The following FCAR variants were observed in gnomAD, a reference collection of about 807,000 sequenced individuals.
The protein encoded by FCAR is Fc alpha receptor.
FCAR carries 21 observed loss-of-function variants against 27.1 expected under a neutral mutation model. The observed-to-expected ratio is 0.77, with a 90% CI of 0.55 to 1.11. FCAR has a LOEUF of 1.11. FCAR is among the 50% of genes most tolerant of loss of function. FCAR has a pLI of 0.00. For synonymous variants in FCAR, 134 were observed against 135.8 expected, an observed-to-expected ratio of 0.99 and a Z score of 0.09; for missense variants, 404 against 358.4, an observed-to-expected ratio of 1.13 and a Z score of -1.03.
chr19:54,887,705 T>A (rs1389444229), intron 3 of FCAR, among the ~76,000 whole-genome samples: 3 of 151,000 alleles, frequency 2.0e-5, no homozygotes, highest in South Asian at 4.2e-4. Flanking sequence ...TCACCTGAGG[T>A]CAGGAGTTCG....
At chr19:54,883,359 C>T (rs2066527934) in intron 2 of FCAR, among the ~76,000 whole-genome samples, 1 of 152,028 alleles carries the variant, frequency 6.6e-6, no homozygotes, top group Non-Finnish European at 1.5e-5. Context: ...CATTCTTGGG[C>T]CTTGGAGGAG....
intron 1 of FCAR, 55 bp from the exon 2 acceptor site, chr19:54,875,267 AGGGTGATT>A: frequency 2.9e-6 from 4 of 1,391,674 alleles, no homozygotes; most frequent in Non-Finnish European, 3.1e-6. Flanking sequence ...GTCATTACAG[AGGGTGATT>A]TGTCGTAAAG....
Position 54,888,600 on chromosome 19 carries a change from T to C in FCAR, c.649+306T>C, listed in dbSNP as rs1186752653. 10 of 978,740 alleles carry C rather than the reference T, an allele frequency of 1.0e-5. No individual in the cohort carries two copies. The African/African-American group carries it at 1.5e-4, about 15-fold the overall frequency. 60.6% of individuals were successfully genotyped at this position (978,740 alleles called of 1,614,324 possible). On this transcript the variant is annotated intron_variant, in intron 4 of 4. Coordinates refer to ENST00000355524, the MANE Select transcript of FCAR (RefSeq NM_002000.4). ...TCTTGCTCTTTCGCCAAGGCTGGAGTGCAGTGGCACGATCTCGACTCACTG... is the reference window on the plus strand; with the variant it reads ...TCTTGCTCTTTCGCCAAGGCTGGAGCGCAGTGGCACGATCTCGACTCACTG...
At chr19:54,881,879 T>C (rs1463133610) in intron 2 of FCAR, among the ~76,000 whole-genome samples, 1 of 128,268 alleles carries the variant, frequency 7.8e-6, no homozygotes, top group Non-Finnish European at 1.7e-5. Context: ...AGACTCCGTC[T>C]CAAATAAATA....
chr19:54,887,010 G>A (rs2066769175), intron 3 of FCAR, among the ~76,000 whole-genome samples: 1 of 71,792 alleles, frequency 1.4e-5, no homozygotes, highest in Admixed American at 2.0e-4. Flanking sequence ...CGTGGCTCGT[G>A]CCTGTAATCC....
chr19:54,881,289 G>C (rs1240626117), intron 2 of FCAR, among the ~76,000 whole-genome samples: 1 of 152,086 alleles, frequency 6.6e-6, no homozygotes, highest in Non-Finnish European at 1.5e-5. Flanking sequence ...TTCTCCTTAG[G>C]GCAGTTTGCC....
rs1569532600 is a variant in FCAR, at chr19:54,885,435, GA to G, written c.272del (p.Asp91AlafsTer14). On this transcript the variant is annotated frameshift_variant, in exon 3 of 5. Transcript: ENST00000355524. LOFTEE classifies it high-confidence loss of function. ...TDPEFVIDHM[D>X]ANKAGRYQCQ... is the part of the protein sequence containing the mutation. ...TCCTGAGTTCGTCATTGACCACATGGACGCAAACAAGGCAGGGCGCTATCAG... is the reference window on the plus strand; with the variant it reads ...TCCTGAGTTCGTCATTGACCACATGGCGCAAACAAGGCAGGGCGCTATCAG... 6.2e-7 allele frequency: 1 copy of G among 1,614,012 alleles called. No homozygotes were observed.
intron 2 of FCAR, among the ~76,000 whole-genome samples, chr19:54,884,525 G>A (rs587756390): frequency 3.9e-5 from 6 of 152,114 alleles, no homozygotes; most frequent in South Asian, 2.1e-4. Flanking sequence ...CCAGCTACTC[G>A]GAAGGCTGAG....
At chr19:54,878,554 T>C (rs184325436) in intron 2 of FCAR, among the ~76,000 whole-genome samples, 44 of 152,210 alleles carry the variant, frequency 2.9e-4, no homozygotes, top group African/African-American at 9.4e-4. Flanking sequence ...TTTTAATTTT[T>C]TTTTTCTTTT....
chr19:54,885,257 A>G lies in FCAR; in HGVS notation c.93A>G (p.Ile31Met), dbSNP rs768732304. ...AQEGDFPMPFISAKSSPVIPL... is the reference protein window; with the variant it reads ...AQEGDFPMPFMSAKSSPVIPL... ...CAGGGGACTTTCCCATGCCTTTCATATCTGCCAAATCGAGTCCTGTGATTC... is the reference window on the plus strand; with the variant it reads ...CAGGGGACTTTCCCATGCCTTTCATGTCTGCCAAATCGAGTCCTGTGATTC... Residue 31 changes from isoleucine to methionine, a missense_variant, in exon 3 of 5, where the codon ATA (isoleucine) becomes ATG (methionine). By Grantham distance (10) the Ile-to-Met change is conservative. Coordinates refer to ENST00000355524, the MANE Select transcript of FCAR (RefSeq NM_002000.4). 1.2e-6 allele frequency: 2 copies of G among 1,613,400 alleles called. No homozygotes were observed. The highest frequency in any genetic ancestry group is 1.7e-6 in the Non-Finnish European group (2 of 1,179,504).
chr19:54,889,349 G>T lies in FCAR; in HGVS notation c.650-300G>T, dbSNP rs370461171. Among the ~76,000 whole-genome samples, 36 of 141,706 alleles carry T rather than the reference G, an allele frequency of 2.5e-4. 1 individual carries two copies. The East Asian group carries it at 6.7e-3, about 27-fold the overall frequency. The allele number at this position is 141,706 out of a possible 152,430, so 93.0% of individuals were successfully genotyped here. A position where few individuals can be genotyped will look rare whatever the true frequency, so the allele number is the denominator to read the frequency against. Reference sequence around the variant, plus strand: ...ATCACGCCACTGCACTCCAGCCTGGGCAACAGAGTGAGACTCCATCTCAAA... The same window carrying T: ...ATCACGCCACTGCACTCCAGCCTGGTCAACAGAGTGAGACTCCATCTCAAA... On this transcript the variant is annotated intron_variant, in intron 4 of 4. Transcript: ENST00000355524.
intron 2 of FCAR, among the ~76,000 whole-genome samples, chr19:54,883,181 A>AT (rs60755830): frequency 0.05 from 7,010 of 139,824 alleles, 319 homozygotes; most frequent in African/African-American, 0.13. Context: ...AATTTTTGTA[A>AT]TTTTTTTTTT....
At chr19:54,883,245 G>C (rs1361524445) in intron 2 of FCAR, among the ~76,000 whole-genome samples, 1 of 149,892 alleles carries the variant, frequency 6.7e-6, no homozygotes, top group African/African-American at 2.5e-5. Context: ...TCAAACTCCT[G>C]GGCTCAAGCA....
Position 54,888,170 on chromosome 19 carries a change from G to A in FCAR, c.525G>A (p.Pro175=), listed in dbSNP as rs150824019. 5,607 of 1,614,150 alleles carry A rather than the reference G, an allele frequency of 3.5e-3. 42 individuals carry two copies. The highest frequency in any genetic ancestry group is 2.9e-3 in the Non-Finnish European group (3,476 of 1,180,012). The change falls in exon 4 of 5, where the codon CCG becomes CCA. Residue 175 remains proline (P), a synonymous_variant. Coordinates refer to ENST00000355524, the MANE Select transcript of FCAR (RefSeq NM_002000.4). ...CACAGCACCAAAGTGGGGAACACCC[G>A]GCCAACTTCTCTTTGGGTCCTGTGG... ...SLPQHQSGEH[P]ANFSLGPVDL... is the part of the protein sequence containing the mutation.
At position 54,891,134 on chromosome 19, in the gene FCAR, C is replaced by G. The variant is rs1196561653; in HGVS notation, c.*1271C>G. 1 of 152,106 alleles carries G rather than the reference C, an allele frequency of 6.6e-6. No individual in the cohort carries two copies. The highest frequency in any genetic ancestry group is 1.9e-4 in the East Asian group (1 of 5,194). 9.4% of individuals were successfully genotyped at this position (152,106 alleles called of 1,614,324 possible). ...CTCAAATGGTCTTCCAAATAATTCC[C>G]CATTCTTTTTTCTTATAAACTTTCA... On this transcript the variant is annotated 3_prime_UTR_variant, in exon 5 of 5. Coordinates refer to ENST00000355524, the MANE Select transcript of FCAR (RefSeq NM_002000.4).
At chr19:54,876,591 G>T (rs1029663847) in intron 2 of FCAR, among the ~76,000 whole-genome samples, 5 of 152,056 alleles carry the variant, frequency 3.3e-5, no homozygotes, top group African/African-American at 1.2e-4. Context: ...GTGTGGGGAG[G>T]GTTGTTCTAT....
chr19:54,890,004 A>G lies in FCAR; in HGVS notation c.*141A>G. On this transcript the variant is annotated 3_prime_UTR_variant, in exon 5 of 5. Coordinates refer to ENST00000355524, the MANE Select transcript of FCAR (RefSeq NM_002000.4). Reference sequence around the variant, plus strand: ...GAGACAGAGTCTGGCTCTGTCACCCAGGCTGGAGTGCAGTGGAGCAATCTC... The same window carrying G: ...GAGACAGAGTCTGGCTCTGTCACCCGGGCTGGAGTGCAGTGGAGCAATCTC... The G allele has an allele frequency of 1.6e-6, 1 of 636,568 alleles. No individual in the cohort carries two copies. Among genetic ancestry groups the G allele is most frequent in the South Asian group, 1.9e-5 (1 of 52,790 alleles). 39.4% of individuals were successfully genotyped at this position (636,568 alleles called of 1,614,324 possible).
At chr19:54,886,542 C>T (rs1468373978) in intron 3 of FCAR, among the ~76,000 whole-genome samples, 1 of 151,970 alleles carries the variant, frequency 6.6e-6, no homozygotes, top group African/African-American at 2.4e-5. Flanking sequence ...CTTCTGACCT[C>T]GTGATCCGCC....
chr19:54,889,789 G>A lies in FCAR; in HGVS notation c.790G>A (p.Ala264Thr), dbSNP rs1022872847. ...ALNKEASADV[A>T]EPSWSQQMCQ... The stretch of plus-strand genomic sequence containing the variant: ...GAACAAGGAAGCCTCGGCAGATGTG[G>A]CTGAACCGAGCTGGAGCCAACAGAT... The change falls in exon 5 of 5, where the codon GCT (alanine) becomes ACT (threonine). Residue 264 changes from alanine to threonine, a missense_variant. Coordinates refer to ENST00000355524, the MANE Select transcript of FCAR (RefSeq NM_002000.4). 5.0e-6 allele frequency: 8 copies of A among 1,613,142 alleles called. No individual in the cohort carries two copies. The highest frequency in any genetic ancestry group is 3.3e-5 in the Admixed American group (2 of 60,018).
Sources: gnomAD v4.1 joint callset for allele counts (sites outside exome capture counted in the v4.1 genomes callset) on GRCh38, gnomAD v4.1.1 for gene constraint, MANE v1.5 for transcripts, NCBI Gene and HGNC (gene_info 2026-07-23, HGNC 2026-07-21) for gene names.